Variants in PAK5 observed in about 807,000 individuals in gnomAD.
The protein encoded by PAK5 is serine/threonine-protein kinase PAK 5.
In PAK5, 16 loss-of-function variants were observed where a neutral mutation model predicts 65.9. The observed-to-expected ratio is 0.24, with a 90% CI of 0.16 to 0.37. PAK5 has a LOEUF of 0.37. PAK5 is among the 10% of genes least tolerant of loss of function. The pLI is 1.00. For synonymous variants in PAK5, 371 were observed against 354.9 expected (o/e 1.05, Z -0.51); for missense variants, 785 against 903.9 (o/e 0.87, Z 1.69).
intron 1 of PAK5, among the ~76,000 whole-genome samples, chr20:9,744,712 C>T (rs2048487012): frequency 6.6e-6 from 1 of 152,170 alleles, no homozygotes; most frequent in Non-Finnish European, 1.5e-5. Flanking sequence ...TGTTCCACAC[C>T]AGCTCAAGGT....
intron 1 of PAK5, among the ~76,000 whole-genome samples, chr20:9,718,938 A>G (rs1021794174): frequency 2.0e-5 from 3 of 152,184 alleles, no homozygotes; most frequent in African/African-American, 7.2e-5. Context: ...GCTGGCAGAG[A>G]CAGTTTAATA....
chr20:9,588,577 T>A (rs2046111085), intron 3 of PAK5, among the ~76,000 whole-genome samples: 1 of 152,200 alleles, frequency 6.6e-6, no homozygotes, highest in African/African-American at 2.4e-5. Flanking sequence ...CTTTATAGAA[T>A]CATAAGTGGC....
intron 3 of PAK5, among the ~76,000 whole-genome samples, chr20:9,637,375 T>C (rs1228922045): frequency 6.6e-6 from 1 of 152,170 alleles, no homozygotes; most frequent in Admixed American, 6.5e-5. Flanking sequence ...TCACATGTAA[T>C]GTAGCTTCTC....
chr20:9,701,365 A>T (rs1569047961), intron 2 of PAK5, among the ~76,000 whole-genome samples: 1 of 152,166 alleles, frequency 6.6e-6, no homozygotes, highest in Non-Finnish European at 1.5e-5. Context: ...ATAAATAAGG[A>T]ATGTGTGGAG....
At chr20:9,699,949 A>G (rs1290629152) in intron 2 of PAK5, among the ~76,000 whole-genome samples, 3 of 152,170 alleles carry the variant, frequency 2.0e-5, no homozygotes, top group African/African-American at 7.2e-5. Context: ...CTGCAAAAGG[A>G]GACAGTTAAC....
chr20:9,806,225 G>T (rs1216818905), intron 1 of PAK5, among the ~76,000 whole-genome samples: 1 of 152,150 alleles, frequency 6.6e-6, no homozygotes, highest in Admixed American at 6.5e-5. Flanking sequence ...CTGGCCTCAA[G>T]TGACCTGCCC....
At chr20:9,807,677 C>T (rs968715751) in intron 1 of PAK5, among the ~76,000 whole-genome samples, 2 of 151,612 alleles carry the variant, frequency 1.3e-5, no homozygotes, top group Admixed American at 6.6e-5. Flanking sequence ...TTCCAGGTTC[C>T]CTTGCAGTTA....
chr20:9,797,914 C>G (rs554461080), intron 1 of PAK5, among the ~76,000 whole-genome samples: 1 of 152,042 alleles, frequency 6.6e-6, no homozygotes, highest in Non-Finnish European at 1.5e-5. Context: ...TCTATATCAT[C>G]CAGAGAGAGA....
At chr20:9,680,041 CA>C (rs2047628561) in intron 2 of PAK5, among the ~76,000 whole-genome samples, 1 of 152,132 alleles carries the variant, frequency 6.6e-6, no homozygotes, top group African/African-American at 2.4e-5. Context: ...CTCTCTTTTT[CA>C]AAACCTACCT....
chr20:9,696,882 C>T (rs1223239133), intron 2 of PAK5, among the ~76,000 whole-genome samples: 2 of 151,980 alleles, frequency 1.3e-5, no homozygotes, highest in Non-Finnish European at 2.9e-5. Context: ...TTTCTCCAAA[C>T]TTCTCATTGC....
intron 6 of PAK5, among the ~76,000 whole-genome samples, chr20:9,562,266 C>A (rs2045602789): frequency 6.6e-6 from 1 of 152,146 alleles, no homozygotes; most frequent in South Asian, 2.1e-4. Flanking sequence ...TATATCTGAG[C>A]CACATTCATT....
At chr20:9,555,415 C>T (rs1178586349) in intron 7 of PAK5, among the ~76,000 whole-genome samples, 2 of 152,160 alleles carry the variant, frequency 1.3e-5, no homozygotes, top group Non-Finnish European at 2.9e-5. Flanking sequence ...AGTCTCATTT[C>T]TGATTTTGAT....
chr20:9,612,157 G>A (rs1344262385), intron 3 of PAK5, among the ~76,000 whole-genome samples: 26 of 152,128 alleles, frequency 1.7e-4, no homozygotes, highest in Admixed American at 1.7e-3. Flanking sequence ...CAAATCTAAT[G>A]CTCTCAATGA....
At chr20:9,628,623 G>A (rs1047292852) in intron 3 of PAK5, among the ~76,000 whole-genome samples, 1 of 152,140 alleles carries the variant, frequency 6.6e-6, no homozygotes, top group Non-Finnish European at 1.5e-5. Flanking sequence ...AAATACTGTT[G>A]TTTTTTCTCT....
At position 9,770,981 on chromosome 20, in the gene PAK5, C is replaced by A. The variant is rs953057700; in HGVS notation, c.-161-59546G>T. Among the ~76,000 whole-genome samples, 7 of 152,210 alleles carry A rather than the reference C, an allele frequency of 4.6e-5. No homozygotes were observed. The East Asian group carries it at 1.4e-3, about 29-fold the overall frequency. On this transcript the variant is annotated intron_variant, in intron 1 of 9. Transcript: ENST00000353224. The stretch of plus-strand genomic sequence containing the variant: ...TCCAGCAAGAAAGATTAGAAAAGGA[C>A]AGAGGAGACTCCTGGGTATAAACGT...
intron 3 of PAK5, among the ~76,000 whole-genome samples, chr20:9,583,604 C>T (rs1437099455): frequency 6.6e-6 from 1 of 152,228 alleles, no homozygotes; most frequent in Admixed American, 6.5e-5. Context: ...CCAGGATCCT[C>T]TGATCTTCTG....
chr20:9,706,549 G>A, intron 2 of PAK5, among the ~76,000 whole-genome samples: 1 of 150,632 alleles, frequency 6.6e-6, no homozygotes. Flanking sequence ...TGCAATCCTG[G>A]CTCACTGAAA....
chr20:9,615,456 T>G (rs559663919), intron 3 of PAK5, among the ~76,000 whole-genome samples: 1 of 152,324 alleles, frequency 6.6e-6, no homozygotes, highest in East Asian at 1.9e-4. Context: ...ACTTTCCACT[T>G]AATTTTGCAG....
chr20:9,796,671 G>A (rs968999693), intron 1 of PAK5, among the ~76,000 whole-genome samples: 3 of 152,124 alleles, frequency 2.0e-5, no homozygotes, highest in Non-Finnish European at 4.4e-5. Context: ...AGTTGTTGGG[G>A]TTATCACAGG....
Sources: allele counts gnomAD v4.1 joint callset (sites outside exome capture counted in the v4.1 genomes callset), GRCh38; gene constraint gnomAD v4.1.1; transcripts MANE v1.5; gene names NCBI Gene and HGNC (gene_info 2026-07-23, HGNC 2026-07-21).